ITPRID1: variants seen among roughly 807,000 people sequenced by gnomAD.
ITPRID1 encodes the protein ITPR interacting domain containing 1, also known as protein ITPRID1.
In ITPRID1, 96 loss-of-function variants were observed where a neutral mutation model predicts 95.4. That is an observed-to-expected ratio of 1.01 (90% CI 0.85 to 1.19). The LOEUF (loss-of-function observed/expected upper bound fraction) is 1.19, where lower values mean the gene tolerates loss of function less well. ITPRID1 is among the 50% of genes most tolerant of loss of function. ITPRID1 has a pLI of 0.00. For missense variants in ITPRID1, 1,339 were observed against 1,252.9 expected (o/e 1.07, Z -1.04); for synonymous variants, 510 against 453.6 (o/e 1.12, Z -1.58).
At chr7:31,625,784 A>T (rs1194876887) in intron 10 of ITPRID1, among the ~76,000 whole-genome samples, 1 of 152,008 alleles carries the variant, frequency 6.6e-6, no homozygotes, top group East Asian at 1.9e-4. Context: ...AAAAAAAAAC[A>T]GTTAAAGAAT....
At chr7:31,569,238 A>G (rs924997388) in intron 5 of ITPRID1, among the ~76,000 whole-genome samples, 9 of 152,204 alleles carry the variant, frequency 5.9e-5, no homozygotes, top group Admixed American at 4.6e-4. Context: ...GATGATACAA[A>G]TGAAGGGAAT....
At chr7:31,516,994 GGAGTGAAACTACAGACCTCT>G (rs1562540920) in intron 1 of ITPRID1, among the ~76,000 whole-genome samples, 1 of 152,180 alleles carries the variant, frequency 6.6e-6, no homozygotes, top group Non-Finnish European at 1.5e-5. Context: ...GCTGACTTTA[GGAGTGAAACTACAGACCTCT>G]ACCGTGTTAC....
intron 5 of ITPRID1, among the ~76,000 whole-genome samples, chr7:31,560,341 T>C (rs761514138): frequency 6.6e-6 from 1 of 152,200 alleles, no homozygotes; most frequent in Non-Finnish European, 1.5e-5. Flanking sequence ...ATTTTGGCTC[T>C]TACTCAGTGT....
chr7:31,563,099 T>G (rs776455718), intron 5 of ITPRID1, among the ~76,000 whole-genome samples: 1 of 152,084 alleles, frequency 6.6e-6, no homozygotes, highest in Admixed American at 6.5e-5. Context: ...TAAAACATAA[T>G]GAAGATATTG....
chr7:31,620,102 G>C (rs4585646), intron 10 of ITPRID1, among the ~76,000 whole-genome samples: 85,786 of 152,090 alleles, frequency 0.56, 24,592 homozygotes, highest in East Asian at 0.83. Context: ...CAAAGCAGCC[G>C]GGAAGCTCCA....
chr7:31,555,117 T>C (rs1003584818), intron 5 of ITPRID1: 1 of 502,888 alleles, frequency 2.0e-6, no homozygotes, highest in African/African-American at 1.9e-5. Flanking sequence ...AACCCAGGGC[T>C]CTTGCCATAT....
intron 10 of ITPRID1, among the ~76,000 whole-genome samples, chr7:31,608,112 C>T (rs904692339): frequency 6.6e-6 from 1 of 152,000 alleles, no homozygotes; most frequent in African/African-American, 2.4e-5. Context: ...GTTATCCCAA[C>T]ATCATTTGTT....
In ITPRID1 at chr7:31,654,477, G is replaced by A. The variant is rs1791197448; in HGVS notation, c.*1648G>A. Among the ~76,000 whole-genome samples the A allele has an allele frequency of 6.6e-6, 1 of 152,208 alleles. No individual in the cohort carries two copies. Among genetic ancestry groups the A allele is most frequent in the African/African-American group, 2.4e-5 (1 of 41,468 alleles). On this transcript the variant is annotated 3_prime_UTR_variant, in exon 15 of 15. Coordinates refer to ENST00000615280, the MANE Select transcript of ITPRID1 (RefSeq NM_001257967.3). The stretch of plus-strand genomic sequence containing the variant: ...TTTAAGCAGGGTCGTCATATAATCT[G>A]ATTTACGTTTTGAAGTCATGCTGGC...
intron 12 of ITPRID1, among the ~76,000 whole-genome samples, chr7:31,650,435 A>G (rs145824414): frequency 6.6e-6 from 1 of 152,266 alleles, no homozygotes; most frequent in East Asian, 1.9e-4. Flanking sequence ...TTTAAATGAG[A>G]AAACCAAGGC....
chr7:31,556,791 G>A (rs562068879), intron 5 of ITPRID1, among the ~76,000 whole-genome samples: 35 of 152,072 alleles, frequency 2.3e-4, no homozygotes, highest in Non-Finnish European at 4.4e-4. Context: ...TCCTAGGGCA[G>A]CAGTAACAAA....
chr7:31,589,041 C>G (rs925567502), intron 10 of ITPRID1, among the ~76,000 whole-genome samples: 2 of 151,860 alleles, frequency 1.3e-5, no homozygotes, highest in Admixed American at 1.3e-4. Flanking sequence ...ATGTTCTAAT[C>G]AGCAGATAGG....
chr7:31,581,452 C>T (rs971817355), intron 9 of ITPRID1, among the ~76,000 whole-genome samples: 2 of 152,028 alleles, frequency 1.3e-5, no homozygotes, highest in Non-Finnish European at 2.9e-5. Flanking sequence ...CAATTGTAAA[C>T]TCAAGGTAGG....
chr7:31,578,119 T>G lies in ITPRID1; in HGVS notation c.855T>G (p.Val285=), dbSNP rs6945679. The change falls in exon 9 of 15, where the codon GTT becomes GTG. Residue 285 remains valine (V), a synonymous_variant. Coordinates refer to ENST00000615280, the MANE Select transcript of ITPRID1 (RefSeq NM_001257967.3). ...TCAAGGTGAAGGATGAAGTTTTTGT[T>G]CCCTTTACAAAACCATGGGATTGTG... ...ESFKVKDEVF[V]PFTKPWDCGA... 6.2e-7 allele frequency: 1 copy of G among 1,613,634 alleles called. No individual in the cohort carries two copies.
chr7:31,574,816 G>A (rs1785123345), intron 8 of ITPRID1, 74 bp downstream of exon 8: 1 of 1,349,510 alleles, frequency 7.4e-7, no homozygotes, highest in Admixed American at 1.9e-5. Flanking sequence ...GTGTAGGCGA[G>A]GAGATTGTGT....
rs1791135425 is a variant in ITPRID1 at position 31,653,553 on chromosome 7, T to C, written c.*724T>C. On this transcript the variant is annotated 3_prime_UTR_variant, in exon 15 of 15. Transcript: ENST00000615280. The stretch of plus-strand genomic sequence containing the variant: ...CAGGATAAAATTCAACAGAACTGTT[T>C]TAGACTAAAGATTTTAGGGACCACA... 1 of 152,160 alleles carries C rather than the reference T, an allele frequency of 6.6e-6. No individual in the cohort carries two copies. The highest frequency in any genetic ancestry group is 1.5e-5 in the Non-Finnish European group (1 of 68,036). The allele number at this position is 152,160 out of a possible 1,614,324, so 9.4% of individuals were successfully genotyped here. A position where few individuals can be genotyped will look rare whatever the true frequency, so the allele number is the denominator to read the frequency against.
rs183824925 is a variant in ITPRID1 at position 31,552,743 on chromosome 7, G to C, written c.-23-259G>C. Reference sequence around the variant, plus strand: ...CACATCCCAGACCACCAAAGTGAAAGTGCAGAGTGCGCATGTGGTCTGATG... The same window carrying C: ...CACATCCCAGACCACCAAAGTGAAACTGCAGAGTGCGCATGTGGTCTGATG... On this transcript the variant is annotated intron_variant, in intron 2 of 14. Transcript: ENST00000615280. Among the ~76,000 whole-genome samples, 356 of 152,312 alleles carry C rather than the reference G, an allele frequency of 2.3e-3. 1 individual carries two copies. The highest frequency in any genetic ancestry group is 8.0e-3 in the African/African-American group (332 of 41,580).
intron 1 of ITPRID1, among the ~76,000 whole-genome samples, chr7:31,518,835 C>T (rs1783128673): frequency 6.6e-6 from 1 of 152,164 alleles, no homozygotes; most frequent in African/African-American, 2.4e-5. Context: ...TTAAAACCTA[C>T]AGAAAAAGTC....
chr7:31,585,499 A>G (rs1457565657), intron 10 of ITPRID1, among the ~76,000 whole-genome samples: 1 of 152,216 alleles, frequency 6.6e-6, no homozygotes, highest in Admixed American at 6.5e-5. Context: ...AGTGCTATTT[A>G]AAAGGAAGAA....
chr7:31,514,455 C>A (rs768277781), intron 1 of ITPRID1, among the ~76,000 whole-genome samples: 1 of 152,046 alleles, frequency 6.6e-6, no homozygotes, highest in Non-Finnish European at 1.5e-5. Context: ...TGAGTATTGG[C>A]CATTTCCTGG....
Sources: gnomAD v4.1 joint callset for allele counts (sites outside exome capture counted in the v4.1 genomes callset) on GRCh38, gnomAD v4.1.1 for gene constraint, MANE v1.5 for transcripts, NCBI Gene and HGNC (gene_info 2026-07-23, HGNC 2026-07-21) for gene names.